Variants in NR2F2 observed in about 807,000 individuals in gnomAD.
NR2F2 encodes the protein COUP transcription factor 2.
Under a neutral mutation model 34.8 loss-of-function variants are expected in NR2F2, and 2 were observed. That is an observed-to-expected ratio of 0.06 (90% CI 0.02 to 0.18). NR2F2 has a LOEUF of 0.18. Among genes scored for constraint, NR2F2 ranks in the 10% least tolerant of loss-of-function variants. The pLI, the probability that NR2F2 is intolerant of heterozygous loss-of-function variation, is 1.00. For missense variants in NR2F2, 300 were observed against 580.1 expected (o/e 0.52, Z 4.96); for synonymous variants, 274 against 251.8 (o/e 1.09, Z -0.84).
In NR2F2 at chr15:96,331,566, ACCT is replaced by A. The variant is rs1409416389; in HGVS notation, c.-535_-533del. 39 of 1,208,206 alleles carry A rather than the reference ACCT, an allele frequency of 3.2e-5. No individual in the cohort carries two copies. In the Admixed American group the frequency reaches 1.3e-3, roughly 41 times the overall value. The allele number at this position is 1,208,206 out of a possible 1,614,324, so 74.8% of individuals were successfully genotyped here. On this transcript the variant is annotated 5_prime_UTR_variant, in exon 1 of 3. Coordinates refer to ENST00000394166, the MANE Select transcript of NR2F2 (RefSeq NM_021005.4). ...CTCCTCTACCTCCTCCTTCACCACC[ACCT>A]CCTCTTCCTCCTCCTCCTCCTCCTC...
chr15:96,329,983 G>A (rs3809557), upstream of NR2F2, among the ~76,000 whole-genome samples: 74,688 of 151,910 alleles, frequency 0.49, 23,246 homozygotes, highest in African/African-American at 0.85. Context: ...AAGAATATAT[G>A]TCATATATAT....
Position 96,331,186 on chromosome 15 carries a change from C to T in NR2F2, c.-920C>T. 3.1e-6 allele frequency: 3 copies of T among 974,616 alleles called. No individual in the cohort carries two copies. Among genetic ancestry groups the T allele is most frequent in the Non-Finnish European group, 2.4e-6 (2 of 821,446 alleles). The allele number at this position is 974,616 out of a possible 1,614,324, so 60.4% of individuals were successfully genotyped here. The stretch of plus-strand genomic sequence containing the variant: ...CGGCGGCTCCGGCGGCAGCGGCGGC[C>T]CGGGCGGCCCGCAGGGAACGGCGAG... On this transcript the variant is annotated 5_prime_UTR_variant, in exon 1 of 3. Coordinates refer to ENST00000394166, the MANE Select transcript of NR2F2 (RefSeq NM_021005.4).
In NR2F2 at chr15:96,336,972, T is replaced by C. The variant is rs377002143; in HGVS notation, c.971-376T>C. 8.7e-5 allele frequency among the ~76,000 whole-genome samples: 13 copies of C among 149,172 alleles called. No individual in the cohort carries two copies. The East Asian group carries it at 2.2e-3, about 25-fold the overall frequency. ...ATTTACAGAGGAGGAGGGGAGAGAG[T>C]GCTGGTAGTTTTGGTTTCTTCTGTT... On this transcript the variant is annotated intron_variant, in intron 2 of 2. Transcript: ENST00000394166.
intron 1 of NR2F2, chr15:96,333,716 A>G (rs551909595): frequency 4.4e-4 from 522 of 1,197,840 alleles, no homozygotes; most frequent in Non-Finnish European, 5.3e-4. Flanking sequence ...CTCTCCTCCA[A>G]TCAATAAGAA....
intron 2 of NR2F2, 82 bp from the exon 3 acceptor site, chr15:96,337,266 T>C: frequency 6.5e-7 from 1 of 1,533,982 alleles, no homozygotes; most frequent in Non-Finnish European, 8.8e-7. Context: ...TCAAACCTCT[T>C]AATCTGATGA....
upstream of NR2F2, among the ~76,000 whole-genome samples, chr15:96,329,072 GTCA>G (rs1324357869): frequency 6.6e-6 from 1 of 151,912 alleles, no homozygotes; most frequent in East Asian, 1.9e-4. Flanking sequence ...GTTTTCTGTG[GTCA>G]TCAATTTACT....
At chr15:96,332,958 A>C (rs965759139) in intron 1 of NR2F2, among the ~76,000 whole-genome samples, 2 of 151,028 alleles carry the variant, frequency 1.3e-5, no homozygotes, top group African/African-American at 2.4e-5. Context: ...AAAAAAAAAA[A>C]AACCTGAGAT....
chr15:96,333,970 C>G, intron 1 of NR2F2, 106 bp from the exon 2 acceptor site: 11 of 1,530,336 alleles, frequency 7.2e-6, no homozygotes, highest in Non-Finnish European at 7.9e-6. Context: ...TCTTGCGCTG[C>G]TCAGGGCCTG....
chr15:96,333,563 G>C (rs567596788), intron 1 of NR2F2: 17 of 1,014,140 alleles, frequency 1.7e-5, no homozygotes, highest in East Asian at 1.9e-4. Context: ...TCTCTCACTG[G>C]GGGGGTTCCC....
In NR2F2 at chr15:96,337,892, T is replaced by C. The variant is rs767119416; in HGVS notation, c.*270T>C. On this transcript the variant is annotated 3_prime_UTR_variant, in exon 3 of 3. Coordinates refer to ENST00000394166, the MANE Select transcript of NR2F2 (RefSeq NM_021005.4). Reference sequence around the variant, plus strand: ...TATCATTTTTGTATAAAAAGGAAATTAGTCTTTTTCTTTTTTTGGTAAATT... The same window carrying C: ...TATCATTTTTGTATAAAAAGGAAATCAGTCTTTTTCTTTTTTTGGTAAATT... The C allele has an allele frequency of 9.7e-5, 31 of 318,642 alleles. No individual in the cohort carries two copies. The highest frequency in any genetic ancestry group is 1.6e-4 in the Non-Finnish European group (28 of 177,068). The allele number at this position is 318,642 out of a possible 1,614,324, so 19.7% of individuals were successfully genotyped here. A position where few individuals can be genotyped will look rare whatever the true frequency, so the allele number is the denominator to read the frequency against.
Position 96,338,901 on chromosome 15 carries a change from G to C in NR2F2, c.*1279G>C, listed in dbSNP as rs2141173553. 7.0e-6 allele frequency: 1 copy of C among 143,184 alleles called. No homozygotes were observed. The highest frequency in any genetic ancestry group is 2.3e-4 in the East Asian group (1 of 4,408). The allele number at this position is 143,184 out of a possible 1,614,324, so 8.9% of individuals were successfully genotyped here. ...CTGGCCGGGCGGGGGGTGGTGGGGGGGGGCATTTGTTTACTCCCCTCAGTC... is the reference window on the plus strand; with the variant it reads ...CTGGCCGGGCGGGGGGTGGTGGGGGCGGGCATTTGTTTACTCCCCTCAGTC... On this transcript the variant is annotated 3_prime_UTR_variant, in exon 3 of 3. Transcript: ENST00000394166.
At position 96,337,421 on chromosome 15, in the gene NR2F2, C is replaced by T. The variant is rs368117658; in HGVS notation, c.1044C>T (p.Tyr348=). ...QEKSQCALEE[Y]VRSQYPNQPT... ...AGTCTCAGTGTGCTTTGGAAGAATA[C>T]GTTAGGAGCCAGTACCCCAACCAGC... The change falls in exon 3 of 3, where the codon TAC becomes TAT. Residue 348 remains tyrosine (Y), a synonymous_variant. Coordinates refer to ENST00000394166, the MANE Select transcript of NR2F2 (RefSeq NM_021005.4). 1.2e-5 allele frequency: 20 copies of T among 1,613,938 alleles called. No homozygotes were observed. The highest frequency in any genetic ancestry group is 3.3e-5 in the Admixed American group (2 of 59,984).
rs1899158397 is a variant in NR2F2, at chr15:96,331,949, C to T, written c.-157C>T. The T allele has an allele frequency of 8.3e-7, 1 of 1,209,742 alleles. No homozygotes were observed. The highest frequency in any genetic ancestry group is 1.0e-6 in the Non-Finnish European group (1 of 973,926). 74.9% of individuals were successfully genotyped at this position (1,209,742 alleles called of 1,614,324 possible). A position where few individuals can be genotyped will look rare whatever the true frequency, so the allele number is the denominator to read the frequency against. ...GGAAAAACTAACCAACCTCAACCAA[C>T]CAGCCCCCGAGCCACCCGGGGCGCC... is the stretch of plus-strand genomic sequence containing the variant. On this transcript the variant is annotated 5_prime_UTR_variant, in exon 1 of 3. Transcript: ENST00000394166.
chr15:96,330,424 C>T (rs1326056753), upstream of NR2F2, among the ~76,000 whole-genome samples: 1 of 129,368 alleles, frequency 7.7e-6, no homozygotes, highest in African/African-American at 2.7e-5. Flanking sequence ...GGCGGCGGCG[C>T]GGCCACCCCG....
In NR2F2 at chr15:96,339,791, T is replaced by C. The variant is rs530388836; in HGVS notation, c.*2169T>C. 7 of 152,278 alleles carry C rather than the reference T, an allele frequency of 4.6e-5. No homozygotes were observed. The highest frequency in any genetic ancestry group is 1.7e-4 in the African/African-American group (7 of 41,550). The allele number at this position is 152,278 out of a possible 1,614,324, so 9.4% of individuals were successfully genotyped here. On this transcript the variant is annotated 3_prime_UTR_variant, in exon 3 of 3. Transcript: ENST00000394166. Reference sequence around the variant, plus strand: ...CTGGGAGCTTGCAATTTTGTTCTTATTCAAGGTTTCCAACCCACCCCCCCA... The same window carrying C: ...CTGGGAGCTTGCAATTTTGTTCTTACTCAAGGTTTCCAACCCACCCCCCCA...
upstream of NR2F2, among the ~76,000 whole-genome samples, chr15:96,328,297 T>C (rs1899044508): frequency 6.6e-6 from 1 of 152,236 alleles, no homozygotes; most frequent in Admixed American, 6.5e-5. Flanking sequence ...CCATCACGCA[T>C]ACTTCAAATT....
Position 96,331,876 on chromosome 15 carries a change from G to A in NR2F2, c.-230G>A. ...GAGAAACAAACAAAACAAACACACCGGGCCAGACAAGCCATCGACAAAACT... is the reference window on the plus strand; with the variant it reads ...GAGAAACAAACAAAACAAACACACCAGGCCAGACAAGCCATCGACAAAACT... On this transcript the variant is annotated 5_prime_UTR_variant, in exon 1 of 3. Transcript: ENST00000394166. 8.3e-7 allele frequency: 1 copy of A among 1,202,686 alleles called. No homozygotes were observed. Among genetic ancestry groups the A allele is most frequent in the Non-Finnish European group, 1.0e-6 (1 of 969,898 alleles). The allele number at this position is 1,202,686 out of a possible 1,614,324, so 74.5% of individuals were successfully genotyped here.
In NR2F2 at chr15:96,331,809, C is replaced by T. The variant is rs1424261528; in HGVS notation, c.-297C>T. On this transcript the variant is annotated 5_prime_UTR_variant, in exon 1 of 3. Transcript: ENST00000394166. ...CGCTCTCCTGTCCCCTTCCCCTCCCCTCCCGGCGGAAAGCCCCCCGAAACC... is the reference window on the plus strand; with the variant it reads ...CGCTCTCCTGTCCCCTTCCCCTCCCTTCCCGGCGGAAAGCCCCCCGAAACC... 2 of 1,205,190 alleles carry T rather than the reference C, an allele frequency of 1.7e-6. No individual in the cohort carries two copies. The highest frequency in any genetic ancestry group is 3.4e-5 in the East Asian group (1 of 29,406). The allele number at this position is 1,205,190 out of a possible 1,614,324, so 74.7% of individuals were successfully genotyped here.
Position 96,331,291 on chromosome 15 carries a change from G to T in NR2F2, c.-815G>T, listed in dbSNP as rs1054064821. The T allele has an allele frequency of 9.4e-7, 1 of 1,067,440 alleles. No homozygotes were observed. Among genetic ancestry groups the T allele is most frequent in the Non-Finnish European group, 1.1e-6 (1 of 884,412 alleles). The allele number at this position is 1,067,440 out of a possible 1,614,324, so 66.1% of individuals were successfully genotyped here. A position where few individuals can be genotyped will look rare whatever the true frequency, so the allele number is the denominator to read the frequency against. On this transcript the variant is annotated 5_prime_UTR_variant, in exon 1 of 3. Coordinates refer to ENST00000394166, the MANE Select transcript of NR2F2 (RefSeq NM_021005.4). ...CCGGACGCCCGGGGCAGGCGGCGGC[G>T]GCGGCGGCCCAGCGCCAGGACGACG...
Sources: allele counts gnomAD v4.1 joint callset (sites outside exome capture counted in the v4.1 genomes callset), GRCh38; gene constraint gnomAD v4.1.1; transcripts MANE v1.5; gene names NCBI Gene and HGNC (gene_info 2026-07-23, HGNC 2026-07-21).